Variants in VPS54 observed in about 807,000 individuals in gnomAD.
The protein encoded by VPS54 is VPS54 subunit of GARP complex, also known as vacuolar protein sorting-associated protein 54.
VPS54 carries 45 observed loss-of-function variants against 121.5 expected under a neutral mutation model. The ratio of observed to expected loss-of-function variants is 0.37; its 90% confidence interval spans 0.29 to 0.47. The LOEUF is 0.47. VPS54 is among the 20% of genes least tolerant of loss of function. VPS54 has a pLI of 0.99. For missense variants in VPS54, 1,090 were observed against 1,131.4 expected (o/e 0.96, Z 0.52); for synonymous variants, 371 against 385.8 (o/e 0.96, Z 0.45).
intron 22 of VPS54, among the ~76,000 whole-genome samples, chr2:63,894,198 A>G (rs1370785986): frequency 6.6e-6 from 1 of 152,210 alleles, no homozygotes; most frequent in Admixed American, 6.5e-5. Context: ...AATTCTCACA[A>G]ACTACTCCAC....
At chr2:63,896,211 T>C (rs1402044375) in intron 22 of VPS54, among the ~76,000 whole-genome samples, 1 of 152,244 alleles carries the variant, frequency 6.6e-6, no homozygotes, top group Non-Finnish European at 1.5e-5. Flanking sequence ...GCTATTAATG[T>C]TGATTTTCTT....
intron 1 of VPS54, among the ~76,000 whole-genome samples, chr2:63,998,752 C>G (rs1280297705): frequency 6.6e-6 from 1 of 151,988 alleles, no homozygotes; most frequent in Non-Finnish European, 1.5e-5. Context: ...ATTTTACTAT[C>G]CTTATGTCTT....
At chr2:63,900,564 C>T (rs560117884) in intron 20 of VPS54, among the ~76,000 whole-genome samples, 1 of 152,140 alleles carries the variant, frequency 6.6e-6, no homozygotes, top group Non-Finnish European at 1.5e-5. Context: ...GGGGAGATAA[C>T]TGTCTAAAAG....
At chr2:63,955,852 T>G (rs1675470164) in intron 7 of VPS54, among the ~76,000 whole-genome samples, 1 of 152,112 alleles carries the variant, frequency 6.6e-6, no homozygotes, top group Non-Finnish European at 1.5e-5. Context: ...ATTATTAACC[T>G]TAACAAAAAT....
chr2:63,964,853 A>G (rs1675919027), intron 6 of VPS54, among the ~76,000 whole-genome samples: 1 of 152,188 alleles, frequency 6.6e-6, no homozygotes, highest in Admixed American at 6.5e-5. Context: ...TTTAAGAACT[A>G]CCTTCAGTTT....
intron 15 of VPS54, 135 bp from the exon 16 acceptor site, chr2:63,917,098 T>G: frequency 1.2e-6 from 1 of 830,916 alleles, no homozygotes; most frequent in South Asian, 1.6e-5. Context: ...CCTGGGAAAC[T>G]ATTTGGCACA....
chr2:63,976,715 T>C (rs1676548028), intron 3 of VPS54, among the ~76,000 whole-genome samples: 1 of 152,108 alleles, frequency 6.6e-6, no homozygotes, highest in African/African-American at 2.4e-5. Flanking sequence ...GGCTATCAAA[T>C]TTCTGGGCAT....
In VPS54 at chr2:63,965,931, G is replaced by T; in HGVS notation, c.528C>A (p.Ser176=). ...ATGGTAAAACTGAATTAAAAGTTAA[G>T]GAATCATCCAAGGCAAAATCTGGTT... is the stretch of plus-strand genomic sequence containing the variant. ...FMKPDFALDD[S]LTFNSVLPWS... is the part of the protein sequence containing the mutation. Residue 176 remains serine, a synonymous_variant, in exon 6 of 23, where the codon TCC becomes TCA. Coordinates refer to ENST00000272322, the MANE Select transcript of VPS54 (RefSeq NM_016516.3). 1.2e-6 allele frequency: 2 copies of T among 1,610,008 alleles called. No homozygotes were observed. Among genetic ancestry groups the T allele is most frequent in the African/African-American group, 1.3e-5 (1 of 74,782 alleles).
At chr2:64,018,570 T>C (rs1468308942) in intron 1 of VPS54, among the ~76,000 whole-genome samples, 1 of 151,758 alleles carries the variant, frequency 6.6e-6, no homozygotes, top group Non-Finnish European at 1.5e-5. Flanking sequence ...CCAATAGGAC[T>C]AAGGGCCTGG....
chr2:63,960,063 G>A (rs1675685184), intron 7 of VPS54, among the ~76,000 whole-genome samples: 1 of 151,816 alleles, frequency 6.6e-6, no homozygotes, highest in Admixed American at 6.6e-5. Flanking sequence ...TGGGCATGGT[G>A]GTGTGTGTTT....
chr2:63,893,043 G>T lies in VPS54; in HGVS notation c.*387C>A, dbSNP rs1437161211. 3 of 172,158 alleles carry T rather than the reference G, an allele frequency of 1.7e-5. No individual in the cohort carries two copies. The highest frequency in any genetic ancestry group is 1.2e-5 in the Non-Finnish European group (1 of 80,620). The allele number at this position is 172,158 out of a possible 1,614,324, so 10.7% of individuals were successfully genotyped here. On this transcript the variant is annotated 3_prime_UTR_variant, in exon 23 of 23. Transcript: ENST00000272322. ...ATTGTACCATCATTAAATAAGGTGG[G>T]ACACCATATGAATTTCATTGCACTG...
chr2:64,001,362 C>T (rs1677868622), intron 1 of VPS54, among the ~76,000 whole-genome samples: 1 of 152,200 alleles, frequency 6.6e-6, no homozygotes, highest in African/African-American at 2.4e-5. Flanking sequence ...GGTGTTTGAA[C>T]CCACTATGGC....
Position 63,892,853 on chromosome 2 carries a change from A to C in VPS54, c.*577T>G, listed in dbSNP as rs1252109982. On this transcript the variant is annotated 3_prime_UTR_variant, in exon 23 of 23. Transcript: ENST00000272322. ...GAAATATTAAATATGCAACACACAAAGCCTGCAACTTGACATTGGTCACTG... is the reference window on the plus strand; with the variant it reads ...GAAATATTAAATATGCAACACACAACGCCTGCAACTTGACATTGGTCACTG... 1 of 152,974 alleles carries C rather than the reference A, an allele frequency of 6.5e-6. No individual in the cohort carries two copies. Among genetic ancestry groups the C allele is most frequent in the East Asian group, 1.9e-4 (1 of 5,204 alleles). The allele number at this position is 152,974 out of a possible 1,614,324, so 9.5% of individuals were successfully genotyped here. A position where few individuals can be genotyped will look rare whatever the true frequency, so the allele number is the denominator to read the frequency against.
intron 15 of VPS54, 30 bp from the exon 16 acceptor site, chr2:63,916,993 A>G (rs757715186): frequency 6.2e-6 from 10 of 1,610,160 alleles, no homozygotes; most frequent in Non-Finnish European, 5.1e-6. Flanking sequence ...AACGAGAGAC[A>G]AGAGTACCAG....
chr2:64,015,962 T>C (rs1678665721), intron 1 of VPS54, among the ~76,000 whole-genome samples: 1 of 152,164 alleles, frequency 6.6e-6, no homozygotes, highest in Admixed American at 6.5e-5. Flanking sequence ...AATACATACA[T>C]ATATACAAGA....
Position 63,892,642 on chromosome 2 carries a change from T to C in VPS54, c.*788A>G, listed in dbSNP as rs1210934100. 2 of 152,638 alleles carry C rather than the reference T, an allele frequency of 1.3e-5. No homozygotes were observed. The highest frequency in any genetic ancestry group is 2.9e-5 in the Non-Finnish European group (2 of 68,040). The allele number at this position is 152,638 out of a possible 1,614,324, so 9.5% of individuals were successfully genotyped here. Reference sequence around the variant, plus strand: ...TAAAAACACCCCAAACCCTTCATCATACTTTTATAAAAATACAGATATTAA... The same window carrying C: ...TAAAAACACCCCAAACCCTTCATCACACTTTTATAAAAATACAGATATTAA... On this transcript the variant is annotated 3_prime_UTR_variant, in exon 23 of 23. Transcript: ENST00000272322.
rs539135422 is a variant in VPS54 at position 64,006,705 on chromosome 2, G to A, written c.-21+12233C>T. On this transcript the variant is annotated intron_variant, in intron 1 of 22. Transcript: ENST00000272322. ...CAATCGCGGCTTCACTGCAACCTCCGCCTCCCAGTTTCAAGCCATTCTCCT... is the reference window on the plus strand; with the variant it reads ...CAATCGCGGCTTCACTGCAACCTCCACCTCCCAGTTTCAAGCCATTCTCCT... Among the ~76,000 whole-genome samples, 683 of 151,944 alleles carry A rather than the reference G, an allele frequency of 4.5e-3. 18 individuals carry two copies. Among genetic ancestry groups the A allele is most frequent in the East Asian group, 0.01 (52 of 5,178 alleles).
chr2:63,925,503 C>T (rs1162973091), intron 12 of VPS54, among the ~76,000 whole-genome samples: 1 of 152,156 alleles, frequency 6.6e-6, no homozygotes, highest in Non-Finnish European at 1.5e-5. Context: ...TACTTTGTTT[C>T]CAGGTATATA....
intron 20 of VPS54, among the ~76,000 whole-genome samples, chr2:63,909,510 C>T (rs1341095578): frequency 1.4e-5 from 2 of 144,612 alleles, no homozygotes; most frequent in African/African-American, 5.2e-5. Context: ...CAACCTCCGC[C>T]TCGTGGGTTC....
Sources: allele counts gnomAD v4.1 joint callset (sites outside exome capture counted in the v4.1 genomes callset), GRCh38; gene constraint gnomAD v4.1.1; transcripts MANE v1.5; gene names NCBI Gene and HGNC (gene_info 2026-07-23, HGNC 2026-07-21).